The following ETV5 variants were observed in gnomAD, a reference collection of about 807,000 sequenced individuals.
ETV5 encodes the protein ETS variant transcription factor 5.
In ETV5, 10 loss-of-function variants were observed where a neutral mutation model predicts 70.0. That is an observed-to-expected ratio of 0.14 (90% CI 0.09 to 0.24). The LOEUF (loss-of-function observed/expected upper bound fraction) is 0.24, where lower values mean the gene tolerates loss of function less well. ETV5 is among the 10% of genes least tolerant of loss of function. ETV5 has a pLI of 1.00. For missense variants in ETV5, 453 were observed against 651.2 expected, an observed-to-expected ratio of 0.70 and a Z score of 3.31; for synonymous variants, 216 against 242.2, an observed-to-expected ratio of 0.89 and a Z score of 1.01.
chr3:186,079,126 T>G, intron 7 of ETV5: 1 of 1,056,954 alleles, frequency 9.5e-7, no homozygotes, highest in African/African-American at 1.7e-5. Flanking sequence ...CAGCACATCT[T>G]CTATAAAAGA....
intron 7 of ETV5, among the ~76,000 whole-genome samples, chr3:186,070,750 T>C (rs766003591): frequency 6.6e-6 from 1 of 152,236 alleles, no homozygotes; most frequent in African/African-American, 2.4e-5. Flanking sequence ...TCCAGTCCTT[T>C]TGAAGTATCT....
intron 5 of ETV5, among the ~76,000 whole-genome samples, chr3:186,097,715 TAAAAG>T (rs778219364): frequency 9.9e-5 from 15 of 152,142 alleles, no homozygotes; most frequent in Non-Finnish European, 1.8e-4. Flanking sequence ...AGTGAGCACT[TAAAAG>T]AAAACTCAAA....
intron 7 of ETV5, among the ~76,000 whole-genome samples, chr3:186,068,883 T>C (rs955543785): frequency 1.3e-5 from 2 of 152,200 alleles, no homozygotes; most frequent in Admixed American, 6.5e-5. Context: ...TGTGAATATA[T>C]ACCCTCAGTT....
chr3:186,099,112 C>G (rs1714385475), intron 5 of ETV5, among the ~76,000 whole-genome samples: 1 of 152,226 alleles, frequency 6.6e-6, no homozygotes, highest in Non-Finnish European at 1.5e-5. Context: ...ACGGGGAATT[C>G]TTTTCCCTTT....
intron 7 of ETV5, among the ~76,000 whole-genome samples, chr3:186,072,642 C>T (rs1412996417): frequency 1.3e-5 from 2 of 152,212 alleles, no homozygotes; most frequent in East Asian, 1.9e-4. Context: ...CTCCATAAGG[C>T]CTGCCAACAT....
chr3:186,081,219 C>CTGA, intron 5 of ETV5, 44 bp from the exon 6 acceptor site: 1 of 1,570,946 alleles, frequency 6.4e-7, no homozygotes, highest in South Asian at 1.2e-5. Flanking sequence ...GAGAGAACAG[C>CTGA]TGATTAACAG....
Position 186,105,479 on chromosome 3 carries a change from T to A in ETV5, c.151A>T (p.Ser51Cys), listed in dbSNP as rs1362660709. 1 of 1,614,176 alleles carries A rather than the reference T, an allele frequency of 6.2e-7. No individual in the cohort carries two copies. The highest frequency in any genetic ancestry group is 2.2e-5 in the East Asian group (1 of 44,888). The change falls in exon 4 of 13, where the codon AGT becomes TGT. Residue 51 changes from serine to cysteine, a missense_variant. By Grantham distance (112) the Ser-to-Cys change is moderately radical. Around this residue, in one of 4 missense-constraint regions of ETV5, gnomAD observed 47 missense variants for 96.8 expected, o/e 0.49. Transcript: ENST00000306376. This position sits in a 1 kb window ranked among gnomAD's most constrained non-coding sequence, Gnocchi z 4.5. ...GCTAACCAAGCCTCTTGAAGTTGACTGAGATCCTGAAATAGCTCTGAAATT... is the reference window on the plus strand; with the variant it reads ...GCTAACCAAGCCTCTTGAAGTTGACAGAGATCCTGAAATAGCTCTGAAATT... ...HDSEELFQDL[S>C]QLQEAWLAEA...
chr3:186,051,921 G>C (rs1713042444), intron 12 of ETV5, 109 bp downstream of exon 12: 1 of 1,004,222 alleles, frequency 1.0e-6, no homozygotes, highest in African/African-American at 1.6e-5. Context: ...GAATCACTTA[G>C]GGGGCTAAAA....
rs1361584246 is a variant in ETV5, at chr3:186,057,148, T to C, written c.1136A>G (p.Asp379Gly). 2 of 1,614,028 alleles carry C rather than the reference T, an allele frequency of 1.2e-6. No individual in the cohort carries two copies. The highest frequency in any genetic ancestry group is 2.7e-5 in the African/African-American group (2 of 74,922). Residue 379 changes from aspartate to glycine, a missense_variant, in exon 11 of 13, where the codon GAT becomes GGT. Asp to Gly is a moderately conservative substitution (Grantham distance 94). Coordinates refer to ENST00000306376, the MANE Select transcript of ETV5 (RefSeq NM_004454.3). The surrounding 1 kb of genome is among the most constrained non-coding windows in gnomAD (Gnocchi z 4.9). ...QLWQFLVTLL[D>G]DPANAHFIAW... ...AATGAAGTGGGCATTGGCTGGGTCA[T>C]CAAGAAGGGTGACCAGGAACTGCCA... is the stretch of plus-strand genomic sequence containing the variant.
chr3:186,074,844 G>C (rs189930432), intron 7 of ETV5, among the ~76,000 whole-genome samples: 1 of 116,720 alleles, frequency 8.6e-6, no homozygotes, highest in African/African-American at 3.3e-5. Context: ...CTGGGCGACA[G>C]TTAGACTCTG....
Position 186,055,090 on chromosome 3 carries a change from T to C in ETV5, c.1209+1985A>G, listed in dbSNP as rs1215332046. ...TATTAAGTAAGAAAGCAGGGGCCCT[T>C]TGCCATCTGTTCATCATTCTCTATG... On this transcript the variant is annotated intron_variant, in intron 11 of 12. Transcript: ENST00000306376. 4.6e-5 allele frequency among the ~76,000 whole-genome samples: 7 copies of C among 152,330 alleles called. No homozygotes were observed. In the East Asian group the frequency reaches 1.2e-3, roughly 25 times the overall value.
Position 186,052,280 on chromosome 3 carries a change from C to T in ETV5, c.1210-149G>A. 1 of 639,958 alleles carries T rather than the reference C, an allele frequency of 1.6e-6. No individual in the cohort carries two copies. The highest frequency in any genetic ancestry group is 2.9e-5 in the East Asian group (1 of 34,390). 39.6% of individuals were successfully genotyped at this position (639,958 alleles called of 1,614,324 possible). A position where few individuals can be genotyped will look rare whatever the true frequency, so the allele number is the denominator to read the frequency against. On this transcript the variant is annotated intron_variant, in intron 11 of 12. Coordinates refer to ENST00000306376, the MANE Select transcript of ETV5 (RefSeq NM_004454.3). The surrounding 1 kb of genome is among the most constrained non-coding windows in gnomAD (Gnocchi z 4.5). ...TGGAAGGGAAGGCATTTAACTCCCT[C>T]AAGACCAAACATTCAACAAAGGCGA...
At position 186,079,948 on chromosome 3, in the gene ETV5, G is replaced by A. The variant is rs765841912; in HGVS notation, c.519C>T (p.Gly173=). The part of the protein sequence containing the change: ...APAAGPVQGV[G]PAPAPHSLPE... ...GAAGCGAATGGGGGGCGGGGGCGGG[G>A]CCCACACCTTGAACTGGGCCAGCTG... Residue 173 remains glycine (G), a synonymous_variant, in exon 7 of 13, where the codon GGC becomes GGT. Coordinates refer to ENST00000306376, the MANE Select transcript of ETV5 (RefSeq NM_004454.3). The A allele has an allele frequency of 6.9e-6, 10 of 1,453,986 alleles. No individual in the cohort carries two copies. The highest frequency in any genetic ancestry group is 5.7e-5 in the African/African-American group (4 of 70,044). 90.1% of individuals were successfully genotyped at this position (1,453,986 alleles called of 1,614,324 possible).
chr3:186,081,165 A>G lies in ETV5; in HGVS notation c.243T>C (p.His81=). Residue 81 remains histidine, a synonymous_variant, in exon 6 of 13, where the codon CAT becomes CAC. Coordinates refer to ENST00000306376, the MANE Select transcript of ETV5 (RefSeq NM_004454.3). ...PDFQSDNLVL[H]APPPTKIKRE... is the part of the protein sequence containing the mutation. ...GTTTGATCTTGGTTGGAGGTGGGGCATGAAGCACCACTGAAATCAGAAGAG... is the reference window on the plus strand; with the variant it reads ...GTTTGATCTTGGTTGGAGGTGGGGCGTGAAGCACCACTGAAATCAGAAGAG... 1.9e-6 allele frequency: 3 copies of G among 1,613,092 alleles called. No individual in the cohort carries two copies. Among genetic ancestry groups the G allele is most frequent in the Non-Finnish European group, 2.5e-6 (3 of 1,179,424 alleles).
intron 9 of ETV5, among the ~76,000 whole-genome samples, chr3:186,059,022 A>AT (rs944689217): frequency 1.3e-5 from 2 of 151,250 alleles, no homozygotes; most frequent in African/African-American, 4.8e-5. Flanking sequence ...CAAAAAAAAA[A>AT]AAATAAAATA....
chr3:186,094,202 C>T lies in ETV5; in HGVS notation c.232+11103G>A, dbSNP rs183397239. ...TTGTATTAATGCTTCGTCACTGCTC[C>T]TCCTCCCAAAAGAAGTGGTCACGGA... On this transcript the variant is annotated intron_variant, in intron 5 of 12. Transcript: ENST00000306376. 2.5e-3 allele frequency among the ~76,000 whole-genome samples: 381 copies of T among 152,344 alleles called. 4 individuals carry two copies. The highest frequency in any genetic ancestry group is 8.6e-3 in the African/African-American group (359 of 41,582).
At chr3:186,079,573 T>C (rs1325810873) in intron 7 of ETV5, among the ~76,000 whole-genome samples, 4 of 152,160 alleles carry the variant, frequency 2.6e-5, no homozygotes, top group Non-Finnish European at 4.4e-5. Flanking sequence ...AGAATACCAG[T>C]TACCTCTCCC....
chr3:186,091,779 A>G (rs1560054512), intron 5 of ETV5, among the ~76,000 whole-genome samples: 1 of 152,224 alleles, frequency 6.6e-6, no homozygotes, highest in South Asian at 2.1e-4. Context: ...GACATATCCA[A>G]AAAATAGGGT....
chr3:186,068,586 T>C (rs528914896), intron 7 of ETV5, among the ~76,000 whole-genome samples: 1 of 152,322 alleles, frequency 6.6e-6, no homozygotes, highest in African/African-American at 2.4e-5. Flanking sequence ...CTTTCCCTGT[T>C]GGGTGTGCAG....
Sources: allele counts gnomAD v4.1 joint callset (sites outside exome capture counted in the v4.1 genomes callset), GRCh38; gene constraint gnomAD v4.1.1; regional missense constraint gnomAD v4.1.1; non-coding constraint Gnocchi (gnomAD v3.1); transcripts MANE v1.5; gene names NCBI Gene and HGNC (gene_info 2026-07-23, HGNC 2026-07-21).